EEF1AKMT1: variants seen among roughly 807,000 people sequenced by gnomAD.
EEF1AKMT1 encodes EEF1A lysine methyltransferase 1.
EEF1AKMT1 carries 18 observed loss-of-function variants against 21.0 expected under a neutral mutation model. The observed-to-expected ratio is 0.86, with a 90% CI of 0.59 to 1.27. EEF1AKMT1 has a LOEUF of 1.27. Among genes scored for constraint, EEF1AKMT1 ranks in the 50% most tolerant of loss-of-function variants. The pLI is 0.00. For missense variants in EEF1AKMT1, 246 were observed against 258.6 expected, an observed-to-expected ratio of 0.95 and a Z score of 0.33; for synonymous variants, 109 against 94.8, an observed-to-expected ratio of 1.15 and a Z score of -0.87.
intron 2 of EEF1AKMT1, among the ~76,000 whole-genome samples, chr13:20,756,518 C>A (rs1686389589): frequency 6.6e-6 from 1 of 152,192 alleles, no homozygotes; most frequent in South Asian, 2.1e-4. Flanking sequence ...TCCATAAAAA[C>A]CGGTGGGGTG....
At chr13:20,756,604 T>C (rs1023779200) in intron 2 of EEF1AKMT1, among the ~76,000 whole-genome samples, 2 of 152,198 alleles carry the variant, frequency 1.3e-5, no homozygotes, top group Admixed American at 6.5e-5. Flanking sequence ...GACAAATGCC[T>C]AGGCAGATGG....
At position 20,756,845 on chromosome 13, in the gene EEF1AKMT1, G is replaced by A. The variant is rs2058974504; in HGVS notation, c.144+610C>T. ...TGGTGCCTTCACCTTTACCTTTTTT[G>A]CATACTCACAAACCAACAGCACACA... is the stretch of plus-strand genomic sequence containing the variant. On this transcript the variant is annotated intron_variant, in intron 2 of 4. Transcript: ENST00000382758. Among the ~76,000 whole-genome samples, 3 of 151,584 alleles carry A rather than the reference G, an allele frequency of 2.0e-5. No homozygotes were observed. The South Asian group carries it at 6.2e-4, about 32-fold the overall frequency.
intron 1 of EEF1AKMT1, among the ~76,000 whole-genome samples, chr13:20,772,996 A>C (rs2059069891): frequency 6.6e-6 from 1 of 152,144 alleles, no homozygotes; most frequent in Admixed American, 6.5e-5. Flanking sequence ...ATGAATGGGT[A>C]AGGCCTAGAT....
intron 1 of EEF1AKMT1, among the ~76,000 whole-genome samples, chr13:20,759,167 A>G (rs1222021078): frequency 2.0e-5 from 3 of 152,242 alleles, no homozygotes; most frequent in Admixed American, 1.3e-4. Flanking sequence ...AAATTGACCA[A>G]TGGTAAAGCT....
chr13:20,734,466 T>C (rs2141412267), intron 3 of EEF1AKMT1, among the ~76,000 whole-genome samples: 1 of 152,290 alleles, frequency 6.6e-6, no homozygotes, highest in African/African-American at 2.4e-5. Flanking sequence ...TAAGAGGAAC[T>C]ATTGCACAGA....
intron 1 of EEF1AKMT1, 117 bp from the exon 2 acceptor site, chr13:20,757,734 A>G: frequency 1.3e-6 from 1 of 767,630 alleles, no homozygotes; most frequent in Admixed American, 3.1e-5. Context: ...GTTTTATACA[A>G]GTAAACCAAA....
intron 2 of EEF1AKMT1, among the ~76,000 whole-genome samples, chr13:20,752,350 C>T (rs917422696): frequency 5.3e-5 from 8 of 152,030 alleles, no homozygotes; most frequent in Non-Finnish European, 1.0e-4. Context: ...GAGTTTTTAT[C>T]ATGAAGGGAT....
intron 3 of EEF1AKMT1, among the ~76,000 whole-genome samples, chr13:20,736,148 C>T (rs1391693872): frequency 1.3e-5 from 2 of 152,084 alleles, no homozygotes; most frequent in East Asian, 1.9e-4. Context: ...AACTCCACAG[C>T]GAGGCACATT....
intron 1 of EEF1AKMT1, among the ~76,000 whole-genome samples, chr13:20,773,110 C>T (rs1595035141): frequency 6.6e-6 from 1 of 152,102 alleles, no homozygotes; most frequent in Non-Finnish European, 1.5e-5. Flanking sequence ...TCTTTGAGTC[C>T]CCCTGCCTCA....
At chr13:20,764,293 C>T (rs7995798) in intron 1 of EEF1AKMT1, among the ~76,000 whole-genome samples, 35,482 of 152,028 alleles carry the variant, frequency 0.23, 5,676 homozygotes, top group East Asian at 0.75. Flanking sequence ...TTTTAAATTT[C>T]TCTCTGGCCC....
intron 1 of EEF1AKMT1, among the ~76,000 whole-genome samples, chr13:20,771,153 T>C (rs1294108230): frequency 1.3e-5 from 2 of 152,180 alleles, no homozygotes; most frequent in South Asian, 2.1e-4. Context: ...ATTACAAACA[T>C]GAGCCATTAT....
chr13:20,738,860 G>A (rs1374469587), intron 2 of EEF1AKMT1, among the ~76,000 whole-genome samples: 1 of 152,120 alleles, frequency 6.6e-6, no homozygotes, highest in Non-Finnish European at 1.5e-5. Flanking sequence ...AAAAACATAT[G>A]GTTTCTTTTA....
intron 1 of EEF1AKMT1, among the ~76,000 whole-genome samples, chr13:20,759,931 T>G (rs7334397): frequency 0.37 from 56,600 of 151,758 alleles, 12,497 homozygotes; most frequent in Non-Finnish European, 0.5. Context: ...AGTCAAACCC[T>G]GTCTCTACTA....
In EEF1AKMT1 at chr13:20,731,955, C is replaced by T. The variant is rs1403986202; in HGVS notation, c.394G>A (p.Ala132Thr). 5.6e-6 allele frequency: 9 copies of T among 1,614,100 alleles called. 2 individuals carry two copies. In the Middle Eastern group the frequency reaches 6.6e-4, roughly 118 times the overall value. ...NPLDLPERIA[A>T]HSFDIVIADP... ...GCTATTACGATGTCAAAACTATGTG[C>T]AGCAATTCTTTCGGGTAAGTCCAAT... Residue 132 changes from alanine to threonine, a missense_variant, in exon 4 of 5, where the codon GCA (alanine) becomes ACA (threonine). Physicochemically the swap from Ala to Thr is moderately conservative, Grantham distance 58. Transcript: ENST00000382758.
At position 20,739,289 on chromosome 13, in the gene EEF1AKMT1, C is replaced by A. The variant is rs139755324; in HGVS notation, c.145-1484G>T. Among the ~76,000 whole-genome samples, 745 of 152,260 alleles carry A rather than the reference C, an allele frequency of 4.9e-3. 21 individuals carry two copies. The highest frequency in any genetic ancestry group is 0.039 in the Admixed American group (597 of 15,282). On this transcript the variant is annotated intron_variant, in intron 2 of 4. Transcript: ENST00000382758. ...AGACCCAAACAGTGAGCAGCAGTAA[C>A]ATTTATTGTGAGGAGCAAAAGAACA... is the stretch of plus-strand genomic sequence containing the variant.
In EEF1AKMT1 at chr13:20,769,951, TAGAG is replaced by T. The variant is rs535766578; in HGVS notation, c.-20+3966_-20+3969del. On this transcript the variant is annotated intron_variant, in intron 1 of 4. Coordinates refer to ENST00000382758, the MANE Select transcript of EEF1AKMT1 (RefSeq NM_001318939.2). The stretch of plus-strand genomic sequence containing the variant: ...CATATGAACAAAATGGAAATATAAA[TAGAG>T]AGACAGAAAACATAAAAGGAGACTA... 2.8e-4 allele frequency among the ~76,000 whole-genome samples: 42 copies of T among 152,136 alleles called. No homozygotes were observed. In the East Asian group the frequency reaches 2.9e-3, roughly 10 times the overall value.
In EEF1AKMT1 at chr13:20,729,221, A is replaced by G. The variant is rs758227161; in HGVS notation, c.509-5T>C. ...CCTGTTCTTCCATGATGGCACCTGA[A>G]GAGAACAAAGCAAATGAATCCAGAG... On this transcript the variant is annotated splice_region_variant and splice_polypyrimidine_tract_variant and intron_variant, in intron 4 of 4. Transcript: ENST00000382758. 1 of 1,614,150 alleles carries G rather than the reference A, an allele frequency of 6.2e-7. No individual in the cohort carries two copies. The highest frequency in any genetic ancestry group is 1.1e-5 in the South Asian group (1 of 91,074).
intron 2 of EEF1AKMT1, among the ~76,000 whole-genome samples, chr13:20,748,297 A>C (rs1033951891): frequency 6.6e-6 from 1 of 152,088 alleles, no homozygotes; most frequent in Non-Finnish European, 1.5e-5. Flanking sequence ...TTAGCCGGGC[A>C]TGGTGGCGGG....
At chr13:20,751,975 T>C (rs1178016229) in intron 2 of EEF1AKMT1, among the ~76,000 whole-genome samples, 1 of 152,202 alleles carries the variant, frequency 6.6e-6, no homozygotes, top group Admixed American at 6.5e-5. Context: ...GAAATGCTAC[T>C]GATTTTTGTA....
Sources: gnomAD v4.1 joint callset for allele counts (sites outside exome capture counted in the v4.1 genomes callset) on GRCh38, gnomAD v4.1.1 for gene constraint, MANE v1.5 for transcripts, NCBI Gene and HGNC (gene_info 2026-07-23, HGNC 2026-07-21) for gene names.